GRM7: variants seen among roughly 807,000 people sequenced by gnomAD.
GRM7 encodes metabotropic glutamate receptor 7.
A neutral mutation model predicts 84.5 loss-of-function variants in GRM7; 35 were observed. That is an observed-to-expected ratio of 0.41 (90% CI 0.32 to 0.55). The LOEUF is 0.55. Among genes scored for constraint, GRM7 ranks in the 20% least tolerant of loss-of-function variants. The pLI, the probability that GRM7 is intolerant of heterozygous loss-of-function variation, is 0.19. For missense variants in GRM7, 1,003 were observed against 1,194.6 expected (o/e 0.84, Z 2.36); for synonymous variants, 487 against 455.1 (o/e 1.07, Z -0.89).
chr3:6,953,876 A>C (rs1692901120), intron 1 of GRM7, among the ~76,000 whole-genome samples: 1 of 152,126 alleles, frequency 6.6e-6, no homozygotes. Context: ...ATGAGAATTA[A>C]ATGAGATAAT....
At chr3:7,192,385 C>T (rs890909816) in intron 2 of GRM7, among the ~76,000 whole-genome samples, 5 of 152,120 alleles carry the variant, frequency 3.3e-5, no homozygotes, top group Admixed American at 6.6e-5. Flanking sequence ...CTCTCCAATT[C>T]TCCAAGATAT....
chr3:7,257,983 G>A (rs1265846039), intron 2 of GRM7, among the ~76,000 whole-genome samples: 1 of 152,054 alleles, frequency 6.6e-6, no homozygotes, highest in Non-Finnish European at 1.5e-5. Context: ...CCATGCATGG[G>A]CCACAAGGCT....
intron 2 of GRM7, among the ~76,000 whole-genome samples, chr3:7,230,841 T>A (rs1193140755): frequency 6.6e-6 from 1 of 152,194 alleles, no homozygotes; most frequent in African/African-American, 2.4e-5. Context: ...CGAGTAATTC[T>A]GGGAAGCAGC....
chr3:7,345,566 G>A (rs963741395), intron 4 of GRM7, among the ~76,000 whole-genome samples: 11 of 152,144 alleles, frequency 7.2e-5, no homozygotes, highest in Admixed American at 1.3e-4. Context: ...TTACAGGCAA[G>A]AGCCACTGTG....
At chr3:7,651,422 A>G (rs924112306) in intron 8 of GRM7, among the ~76,000 whole-genome samples, 2 of 152,218 alleles carry the variant, frequency 1.3e-5, no homozygotes, top group Admixed American at 6.5e-5. Context: ...GAATAAGATG[A>G]TTATTTATAG....
intron 7 of GRM7, among the ~76,000 whole-genome samples, chr3:7,478,763 A>C (rs1375938017): frequency 6.6e-6 from 1 of 152,160 alleles, no homozygotes; most frequent in Non-Finnish European, 1.5e-5. Context: ...TTAGTACTCA[A>C]AGGTCATTCT....
intron 1 of GRM7, among the ~76,000 whole-genome samples, chr3:7,133,723 T>G (rs190563577): frequency 1.4e-4 from 21 of 152,286 alleles, no homozygotes; most frequent in South Asian, 4.1e-4. Context: ...CTGTTTAGTT[T>G]TTGTCTCCTA....
intron 4 of GRM7, among the ~76,000 whole-genome samples, chr3:7,360,557 CT>C (rs1693616653): frequency 6.6e-6 from 1 of 151,982 alleles, no homozygotes; most frequent in South Asian, 2.1e-4. Flanking sequence ...TCATCAATAT[CT>C]TTATTATTCA....
chr3:7,643,168 G>C (rs1429946875), intron 8 of GRM7, among the ~76,000 whole-genome samples: 1 of 152,160 alleles, frequency 6.6e-6, no homozygotes, highest in Non-Finnish European at 1.5e-5. Flanking sequence ...CTCTTTGAGA[G>C]CCACTGTCAG....
At chr3:7,166,244 G>T (rs895561216) in intron 2 of GRM7, among the ~76,000 whole-genome samples, 10 of 149,202 alleles carry the variant, frequency 6.7e-5, no homozygotes, top group Middle Eastern at 3.5e-3. Flanking sequence ...AGTTTTTTTT[G>T]AATTTCTAAT....
chr3:7,726,739 T>C (rs1229743331), intron 9 of GRM7, among the ~76,000 whole-genome samples: 4 of 146,474 alleles, frequency 2.7e-5, no homozygotes, highest in East Asian at 4.1e-4. Flanking sequence ...ATTCAGCATG[T>C]ACCTCCTAAG....
intron 4 of GRM7, among the ~76,000 whole-genome samples, chr3:7,391,035 ATTTTTTTTTCT>A (rs1312983022): frequency 4.1e-5 from 6 of 144,694 alleles, no homozygotes; most frequent in African/African-American, 1.5e-4. Context: ...TGGCTTCTTG[ATTTTTTTTTCT>A]TTTTTTTTCC....
At chr3:7,435,448 G>A (rs1380628010) in intron 5 of GRM7, among the ~76,000 whole-genome samples, 2 of 152,012 alleles carry the variant, frequency 1.3e-5, no homozygotes, top group African/African-American at 4.8e-5. Flanking sequence ...GAGCCATTGT[G>A]CCCAGCTATG....
At chr3:6,909,841 A>G (rs1201396899) in intron 1 of GRM7, among the ~76,000 whole-genome samples, 1 of 152,142 alleles carries the variant, frequency 6.6e-6, no homozygotes, top group Non-Finnish European at 1.5e-5. Context: ...ATTAAGGAAA[A>G]TAGTAAATTT....
chr3:7,347,838 C>T (rs1035976772), intron 4 of GRM7, among the ~76,000 whole-genome samples: 4 of 152,108 alleles, frequency 2.6e-5, no homozygotes, highest in African/African-American at 7.2e-5. Context: ...CTTCAAAGTG[C>T]TTTTTGACAT....
intron 1 of GRM7, among the ~76,000 whole-genome samples, chr3:7,020,760 A>C (rs972458725): frequency 6.6e-6 from 1 of 152,164 alleles, no homozygotes; most frequent in Non-Finnish European, 1.5e-5. Context: ...TTGCTTATTT[A>C]TCAAATTTTT....
rs1225359273 is a variant in GRM7, at chr3:7,095,605, G to A, written c.520-50847G>A. 2.0e-5 allele frequency among the ~76,000 whole-genome samples: 3 copies of A among 152,090 alleles called. No individual in the cohort carries two copies. In the East Asian group the frequency reaches 5.8e-4, roughly 29 times the overall value. The stretch of plus-strand genomic sequence containing the variant: ...AGTCAATGTTTTCTATTATATCAGG[G>A]ATAGACATTTTCATATTCTATAACT... On this transcript the variant is annotated intron_variant, in intron 1 of 9. Transcript: ENST00000357716.
At chr3:6,904,651 C>A (rs945323895) in intron 1 of GRM7, among the ~76,000 whole-genome samples, 1 of 151,976 alleles carries the variant, frequency 6.6e-6, no homozygotes, top group Non-Finnish European at 1.5e-5. Flanking sequence ...TCTAGACCAT[C>A]TGTTTAGTTG....
intron 9 of GRM7, among the ~76,000 whole-genome samples, chr3:7,687,755 AT>A (rs1700639201): frequency 6.6e-6 from 1 of 152,184 alleles, no homozygotes; most frequent in African/African-American, 2.4e-5. Flanking sequence ...TATTCCGAAT[AT>A]AAATAAAATC....
Sources: gnomAD v4.1 joint callset for allele counts (sites outside exome capture counted in the v4.1 genomes callset) on GRCh38, gnomAD v4.1.1 for gene constraint, MANE v1.5 for transcripts, NCBI Gene and HGNC (gene_info 2026-07-23, HGNC 2026-07-21) for gene names.